The following C12orf42 variants were observed in gnomAD, a reference collection of about 807,000 sequenced individuals.
C12orf42 encodes the protein chromosome 12 open reading frame 42, also known as uncharacterized protein C12orf42.
C12orf42 carries 25 observed loss-of-function variants against 21.6 expected under a neutral mutation model. That is an observed-to-expected ratio of 1.16 (90% CI 0.84 to 1.62). C12orf42 has a LOEUF of 1.62. Ranked by LOEUF, C12orf42 falls within the 40% of genes most tolerant of loss-of-function variation. The probability of loss-of-function intolerance (pLI) is 0.00; values close to 1 mark genes in which losing one functional copy is unlikely to be tolerated. For synonymous variants in C12orf42, 174 were observed against 175.0 expected (o/e 0.99, Z 0.05); for missense variants, 483 against 459.3 (o/e 1.05, Z -0.47).
the C12orf42 span, among the ~76,000 whole-genome samples, chr12:103,556,206 C>A: frequency 1.4e-4 from 22 of 152,166 alleles, no homozygotes; most frequent in Non-Finnish European, 3.1e-4. Flanking sequence ...AGTTACATGA[C>A]CTCTCTGAGT....
At chr12:103,053,457 T>C in the C12orf42 span, among the ~76,000 whole-genome samples, 1 of 152,020 alleles carries the variant, frequency 6.6e-6, no homozygotes, top group Non-Finnish European at 1.5e-5. Flanking sequence ...GTTTTCTTTC[T>C]TAATGTTGGA....
intron 2 of C12orf42, among the ~76,000 whole-genome samples, chr12:103,424,473 T>C (rs894299570): frequency 1.3e-5 from 2 of 152,194 alleles, no homozygotes; most frequent in African/African-American, 4.8e-5. Context: ...ACTGAGGTAC[T>C]TGGCTCATCT....
chr12:103,351,674 T>C (rs1053238373), intron 4 of C12orf42, among the ~76,000 whole-genome samples: 1 of 152,082 alleles, frequency 6.6e-6, no homozygotes, highest in Admixed American at 6.6e-5. Flanking sequence ...GTAGAACATA[T>C]GCACACAGCC....
At chr12:103,522,523 G>T in the C12orf42 span, among the ~76,000 whole-genome samples, 13 of 152,240 alleles carry the variant, frequency 8.5e-5, no homozygotes, top group South Asian at 2.3e-3. Flanking sequence ...GCCCCAGCCA[G>T]CCATCCTGAC....
intron 2 of C12orf42, among the ~76,000 whole-genome samples, chr12:103,408,976 A>G (rs12230097): frequency 0.17 from 26,356 of 152,204 alleles, 2,598 homozygotes; most frequent in East Asian, 0.35. Context: ...ATTCTTTAAA[A>G]GATTAACCTT....
chr12:103,199,461 T>C, the C12orf42 span, among the ~76,000 whole-genome samples: 1 of 152,172 alleles, frequency 6.6e-6, no homozygotes, highest in Non-Finnish European at 1.5e-5. Context: ...TAGGTAAAAT[T>C]AGATAAGTCA....
At chr12:103,246,576 C>T (rs2136183053) in intron 10 of C12orf42, among the ~76,000 whole-genome samples, 1 of 152,058 alleles carries the variant, frequency 6.6e-6, no homozygotes, top group East Asian at 1.9e-4. Flanking sequence ...GGATATAACC[C>T]TTGGAACCTA....
the C12orf42 span, among the ~76,000 whole-genome samples, chr12:103,154,582 A>C: frequency 1.3e-5 from 2 of 152,180 alleles, no homozygotes; most frequent in Non-Finnish European, 2.9e-5. Context: ...GAAAATACTT[A>C]TGATAGAATG....
intron 2 of C12orf42, among the ~76,000 whole-genome samples, chr12:103,434,855 G>C (rs1323827955): frequency 6.6e-6 from 1 of 152,212 alleles, no homozygotes; most frequent in African/African-American, 2.4e-5. Context: ...GGCTTGCTTA[G>C]GTAAACAAAG....
the C12orf42 span, among the ~76,000 whole-genome samples, chr12:103,158,348 A>G: frequency 6.6e-6 from 1 of 152,162 alleles, no homozygotes; most frequent in Non-Finnish European, 1.5e-5. Flanking sequence ...ATGCCAGTTC[A>G]CTGAAATATA....
At chr12:103,081,934 C>G in the C12orf42 span, among the ~76,000 whole-genome samples, 404 of 152,282 alleles carry the variant, frequency 2.7e-3, 4 homozygotes, top group African/African-American at 9.4e-3. Context: ...CTTTCTCACT[C>G]TTATTACTAA....
chr12:103,294,467 A>AAAT (rs2037057794), intron 4 of C12orf42, among the ~76,000 whole-genome samples: 5 of 133,254 alleles, frequency 3.8e-5, no homozygotes, highest in African/African-American at 1.6e-4. Context: ...AGAAAGAAAG[A>AAAT]AAGAAATAAG....
intron 2 of C12orf42, among the ~76,000 whole-genome samples, chr12:103,434,476 T>G (rs1162408198): frequency 6.6e-6 from 1 of 152,176 alleles, no homozygotes; most frequent in Non-Finnish European, 1.5e-5. Flanking sequence ...TTTCTGCATT[T>G]CCATTTGAGG....
At chr12:103,332,036 A>G (rs1221596937) in intron 4 of C12orf42, among the ~76,000 whole-genome samples, 1 of 152,172 alleles carries the variant, frequency 6.6e-6, no homozygotes, top group African/African-American at 2.4e-5. Flanking sequence ...AATATATAGA[A>G]GCAGAAATTA....
chr12:103,397,736 G>A (rs192397441), intron 3 of C12orf42: 2 of 152,262 alleles, frequency 1.3e-5, no homozygotes, highest in East Asian at 3.9e-4. Flanking sequence ...TGCATTCCAG[G>A]ATGATGAATA....
At chr12:103,444,394 C>A (rs919449036) in intron 2 of C12orf42, among the ~76,000 whole-genome samples, 2 of 152,042 alleles carry the variant, frequency 1.3e-5, no homozygotes, top group Non-Finnish European at 2.9e-5. Flanking sequence ...GCATTTTAAA[C>A]ATCATTTATT....
chr12:103,537,912 G>T, the C12orf42 span, among the ~76,000 whole-genome samples: 3 of 152,208 alleles, frequency 2.0e-5, no homozygotes, highest in African/African-American at 7.2e-5. Flanking sequence ...ATCTTAAAAA[G>T]GGAGATTTGT....
At chr12:103,494,922 ATT>A (rs1565911013) in intron 1 of C12orf42, among the ~76,000 whole-genome samples, 1 of 152,180 alleles carries the variant, frequency 6.6e-6, no homozygotes. Flanking sequence ...AGAGTGATTT[ATT>A]TTTGAAATTC....
At chr12:103,258,626 C>G (rs536516321) in intron 10 of C12orf42, among the ~76,000 whole-genome samples, 5 of 151,658 alleles carry the variant, frequency 3.3e-5, no homozygotes, top group African/African-American at 1.2e-4. Context: ...TTAGAACTAA[C>G]GAAGATCCAA....
Sources: allele counts gnomAD v4.1 joint callset (sites outside exome capture counted in the v4.1 genomes callset), GRCh38; gene constraint gnomAD v4.1.1; transcripts MANE v1.5; gene names NCBI Gene and HGNC (gene_info 2026-07-23, HGNC 2026-07-21).